The following NHSL3 variants were observed in gnomAD, a reference collection of about 807,000 sequenced individuals.
NHSL3 encodes the protein NHS-like protein 3.
At chr1:32,761,359 A>G in the NHSL3 span, among the ~76,000 whole-genome samples, 5 of 151,788 alleles carry the variant, frequency 3.3e-5, no homozygotes, top group Non-Finnish European at 7.4e-5. Context: ...TTGGGTGGGG[A>G]GGGGGAGGGG....
the NHSL3 span, among the ~76,000 whole-genome samples, chr1:32,750,085 G>C: frequency 6.6e-6 from 1 of 152,196 alleles, no homozygotes; most frequent in African/African-American, 2.4e-5. Flanking sequence ...GAACATGGTG[G>C]GGTTGGAGGA....
At chr1:32,760,445 A>G in the NHSL3 span, among the ~76,000 whole-genome samples, 1 of 152,186 alleles carries the variant, frequency 6.6e-6, no homozygotes, top group African/African-American at 2.4e-5. Flanking sequence ...GGCTTAGGAA[A>G]GCCCCTGAGT....
At chr1:32,754,078 C>G in the NHSL3 span, 3 of 659,950 alleles carry the variant, frequency 4.5e-6, no homozygotes, top group South Asian at 1.6e-5. Context: ...CGCGCCGGCT[C>G]CCGCACCCGC....
chr1:32,765,325 C>T, the NHSL3 span, among the ~76,000 whole-genome samples: 107 of 152,332 alleles, frequency 7.0e-4, no homozygotes, highest in African/African-American at 2.5e-3. Flanking sequence ...GGGAATTACG[C>T]TAGGCAGCCA....
the NHSL3 span, chr1:32,768,675 A>G: frequency 6.2e-7 from 1 of 1,614,174 alleles, no homozygotes; most frequent in Non-Finnish European, 8.5e-7. Flanking sequence ...GGCCGGATGA[A>G]GACAACATCT....
At chr1:32,767,836 G>A in the NHSL3 span, 1 of 1,613,726 alleles carries the variant, frequency 6.2e-7, no homozygotes, top group Non-Finnish European at 8.5e-7. Context: ...GGCCTGGCCA[G>A]GGGCCAGGGT....
chr1:32,744,480 T>A, the NHSL3 span, among the ~76,000 whole-genome samples: 1 of 152,174 alleles, frequency 6.6e-6, no homozygotes, highest in African/African-American at 2.4e-5. Context: ...TAAACTCAAA[T>A]CACCTGCCTC....
the NHSL3 span, chr1:32,770,672 C>T: frequency 5.9e-6 from 9 of 1,526,432 alleles, no homozygotes; most frequent in South Asian, 7.8e-5. This position sits in a 1 kb window ranked among gnomAD's most constrained non-coding sequence, Gnocchi z 8.3. Flanking sequence ...AAGCGGCCTC[C>T]ACCCCCTCCC....
chr1:32,757,565 G>A, the NHSL3 span, among the ~76,000 whole-genome samples: 2 of 152,142 alleles, frequency 1.3e-5, no homozygotes, highest in Admixed American at 1.3e-4. Flanking sequence ...AGCTGTGTGG[G>A]CTTCTGTGCT....
the NHSL3 span, among the ~76,000 whole-genome samples, chr1:32,744,066 G>A: frequency 5.3e-5 from 8 of 152,202 alleles, no homozygotes; most frequent in South Asian, 2.1e-4. Context: ...GGCCAGGAAC[G>A]GGAAGCCTGC....
chr1:32,756,656 CCAAAAAAAAAA>C, the NHSL3 span, among the ~76,000 whole-genome samples: 1 of 35,274 alleles, frequency 2.8e-5, no homozygotes. Flanking sequence ...GACCCTGTCT[CCAAAAAAAAAA>C]AAAAAAAAAA....
At chr1:32,773,073 C>A in the NHSL3 span, 27 of 622,508 alleles carry the variant, frequency 4.3e-5, no homozygotes, top group Non-Finnish European at 4.9e-5. Flanking sequence ...AGTCATCCTG[C>A]GCTCATGCCT....
chr1:32,773,007 C>T, the NHSL3 span: 1 of 951,760 alleles, frequency 1.1e-6, no homozygotes, highest in Non-Finnish European at 1.7e-6. Flanking sequence ...CGCCTGCAGC[C>T]TTAACCTCCA....
the NHSL3 span, among the ~76,000 whole-genome samples, chr1:32,754,926 C>T: frequency 8.4e-4 from 128 of 152,172 alleles, no homozygotes; most frequent in Admixed American, 5.4e-3. Context: ...CCCCGCCTCC[C>T]CCCCTCCCCC....
At chr1:32,772,334 C>G in the NHSL3 span, 1 of 1,610,450 alleles carries the variant, frequency 6.2e-7, no homozygotes, top group African/African-American at 1.3e-5. Context: ...GCTCCTCCCA[C>G]CAATGGGCTC....
At chr1:32,762,592 A>T in the NHSL3 span, among the ~76,000 whole-genome samples, 1 of 145,914 alleles carries the variant, frequency 6.9e-6, no homozygotes, top group African/African-American at 2.5e-5. Context: ...TCTTTTATTT[A>T]TTTTTTTTTT....
the NHSL3 span, among the ~76,000 whole-genome samples, chr1:32,752,958 T>C: frequency 0.29 from 1,573 of 5,354 alleles, 73 homozygotes; most frequent in African/African-American, 0.39. Flanking sequence ...CACATATATA[T>C]ATATATATAT....
the NHSL3 span, chr1:32,770,731 C>T: frequency 1.3e-6 from 2 of 1,554,932 alleles, no homozygotes; most frequent in Non-Finnish European, 1.7e-6. The surrounding 1 kb of genome is among the most constrained non-coding windows in gnomAD (Gnocchi z 8.3). Flanking sequence ...GCCTGATGGG[C>T]CATTAGGGTT....
At chr1:32,752,427 C>G in the NHSL3 span, among the ~76,000 whole-genome samples, 1 of 152,158 alleles carries the variant, frequency 6.6e-6, no homozygotes, top group African/African-American at 2.4e-5. Context: ...AGTGCTCTCT[C>G]TGCTCTACCA....
Sources: allele counts gnomAD v4.1 joint callset (sites outside exome capture counted in the v4.1 genomes callset), GRCh38; gene constraint gnomAD v4.1.1; non-coding constraint Gnocchi (gnomAD v3.1); transcripts MANE v1.5; gene names NCBI Gene and HGNC (gene_info 2026-07-23, HGNC 2026-07-21).